The following SNX7 variants were observed in gnomAD, a reference collection of about 807,000 sequenced individuals.
SNX7 encodes the protein sorting nexin 7.
A neutral mutation model predicts 48.4 loss-of-function variants in SNX7; 35 were observed. The ratio of observed to expected loss-of-function variants is 0.72; its 90% CI spans 0.55 to 0.96. The LOEUF is 0.96. SNX7 is among the 40% of genes least tolerant of loss of function. The probability of loss-of-function intolerance (pLI) is 0.00; values close to 1 mark genes in which losing one functional copy is unlikely to be tolerated. For missense variants in SNX7, 553 were observed against 548.9 expected, an observed-to-expected ratio of 1.01 and a Z score of -0.07; for synonymous variants, 190 against 190.2, an observed-to-expected ratio of 1.00 and a Z score of 0.01.
chr1:98,733,710 C>T (rs1375920626), intron 7 of SNX7, among the ~76,000 whole-genome samples: 3 of 151,992 alleles, frequency 2.0e-5, no homozygotes, highest in Non-Finnish European at 2.9e-5. Flanking sequence ...CATTTCTTCC[C>T]CCTCCATTTT....
chr1:98,738,412 G>T (rs1232921293), intron 8 of SNX7, 23 bp downstream of exon 8: 1 of 1,606,038 alleles, frequency 6.2e-7, no homozygotes, highest in Non-Finnish European at 8.5e-7. Context: ...GTTTGATATT[G>T]CTTCATTTTA....
At position 98,720,372 on chromosome 1, in the gene SNX7, C is replaced by T. The variant is rs369907185; in HGVS notation, c.1126-17865C>T. Among the ~76,000 whole-genome samples, 4 of 152,020 alleles carry T rather than the reference C, an allele frequency of 2.6e-5. No homozygotes were observed. In the East Asian group the frequency reaches 5.8e-4, roughly 22 times the overall value. The stretch of plus-strand genomic sequence containing the variant: ...AAACTACCATTAATTGAATTTGCCT[C>T]AGGCTAATATTTCTTATAAAATATT... On this transcript the variant is annotated intron_variant, in intron 7 of 8. Transcript: ENST00000306121.
chr1:98,702,803 T>C (rs1651819568), intron 7 of SNX7, among the ~76,000 whole-genome samples: 2 of 152,142 alleles, frequency 1.3e-5, no homozygotes, highest in African/African-American at 4.8e-5. Context: ...GAACTTCTAC[T>C]GAGTGCATTA....
At chr1:98,682,071 CTTTT>C (rs1650525944) in intron 1 of SNX7, among the ~76,000 whole-genome samples, 1 of 123,214 alleles carries the variant, frequency 8.1e-6, no homozygotes, top group African/African-American at 4.2e-5. Flanking sequence ...TATCAGTTTT[CTTTT>C]CTTCCTTTTT....
rs531950957 is a variant in SNX7, at chr1:98,711,173, C to T, written c.1125+9270C>T. Among the ~76,000 whole-genome samples, 9 of 152,132 alleles carry T rather than the reference C, an allele frequency of 5.9e-5. No homozygotes were observed. The East Asian group carries it at 1.4e-3, about 23-fold the overall frequency. Reference sequence around the variant, plus strand: ...TGGGGATTACAGGTACACGCCACCACGCCCAGCTAATTTTTGTATTTTTAA... The same window carrying T: ...TGGGGATTACAGGTACACGCCACCATGCCCAGCTAATTTTTGTATTTTTAA... On this transcript the variant is annotated intron_variant, in intron 7 of 8. Transcript: ENST00000306121.
rs1650697391 is a variant in SNX7, at chr1:98,684,833, GAA to G, written c.181-51_181-50del. ...TTAATATTGATAGCATCTAGAAATA[GAA>G]GAGTTTAATTTTTCTATTGATACTA... On this transcript the variant is annotated intron_variant, in intron 1 of 8. Coordinates refer to ENST00000306121, the MANE Select transcript of SNX7 (RefSeq NM_015976.5). The G allele has an allele frequency of 2.4e-6, 3 of 1,267,988 alleles. No individual in the cohort carries two copies. In the South Asian group the frequency reaches 7.1e-5, roughly 30 times the overall value. The allele number at this position is 1,267,988 out of a possible 1,614,324, so 78.5% of individuals were successfully genotyped here.
At chr1:98,688,774 G>A (rs1049529928) in intron 2 of SNX7, among the ~76,000 whole-genome samples, 2 of 152,120 alleles carry the variant, frequency 1.3e-5, no homozygotes, top group African/African-American at 4.8e-5. Context: ...TGTATTCTAT[G>A]TTAGAAGCAT....
At chr1:98,732,903 G>A (rs958533327) in intron 7 of SNX7, among the ~76,000 whole-genome samples, 2 of 152,052 alleles carry the variant, frequency 1.3e-5, no homozygotes, top group Non-Finnish European at 2.9e-5. Context: ...CTGCACATCA[G>A]TTTTACTTAT....
intron 1 of SNX7, among the ~76,000 whole-genome samples, chr1:98,675,089 A>G (rs1650087991): frequency 6.6e-6 from 1 of 152,232 alleles, no homozygotes; most frequent in Non-Finnish European, 1.5e-5. Flanking sequence ...AGAGACACAC[A>G]TCCATTATTG....
rs549869225 is a variant in SNX7, at chr1:98,760,462, A to G, written c.*331A>G. Reference sequence around the variant, plus strand: ...GACTGTGGAACATGCCATTTTAAATATGTTGTAAGGACTGTTTTAATAAAA... The same window carrying G: ...GACTGTGGAACATGCCATTTTAAATGTGTTGTAAGGACTGTTTTAATAAAA... On this transcript the variant is annotated 3_prime_UTR_variant, in exon 9 of 9. Transcript: ENST00000306121. 5.0e-6 allele frequency: 1 copy of G among 201,748 alleles called. No homozygotes were observed. Among genetic ancestry groups the G allele is most frequent in the East Asian group, 1.0e-4 (1 of 9,692 alleles). 12.5% of individuals were successfully genotyped at this position (201,748 alleles called of 1,614,324 possible).
intron 7 of SNX7, among the ~76,000 whole-genome samples, chr1:98,735,970 T>C (rs1398135473): frequency 6.6e-6 from 1 of 152,124 alleles, no homozygotes; most frequent in Non-Finnish European, 1.5e-5. Flanking sequence ...TCTTAAGTTC[T>C]TCTCTAGGAA....
At chr1:98,722,461 G>A (rs1217881210) in intron 7 of SNX7, among the ~76,000 whole-genome samples, 1 of 152,030 alleles carries the variant, frequency 6.6e-6, no homozygotes, top group African/African-American at 2.4e-5. Flanking sequence ...GTTAAGAAGA[G>A]GTAGCTGTCA....
chr1:98,740,703 A>T (rs866301764), intron 8 of SNX7, among the ~76,000 whole-genome samples: 6 of 152,182 alleles, frequency 3.9e-5, no homozygotes, highest in African/African-American at 7.2e-5. Flanking sequence ...TCTTAGAAAC[A>T]GCTAAATGAG....
At chr1:98,701,795 A>G (rs1329970725) in intron 6 of SNX7, 22 bp from the exon 7 acceptor site, 2 of 1,531,340 alleles carry the variant, frequency 1.3e-6, no homozygotes, top group Non-Finnish European at 1.8e-6. Flanking sequence ...AGCCTATTTT[A>G]TCTGTGTGTT....
chr1:98,737,211 G>A (rs1157338323), intron 7 of SNX7, among the ~76,000 whole-genome samples: 3 of 152,044 alleles, frequency 2.0e-5, no homozygotes, highest in South Asian at 2.1e-4. Flanking sequence ...AGAGTCCCAT[G>A]GTTCATTCTC....
intron 7 of SNX7, among the ~76,000 whole-genome samples, chr1:98,719,354 C>T (rs955969718): frequency 6.6e-5 from 10 of 152,090 alleles, no homozygotes; most frequent in African/African-American, 2.2e-4. Flanking sequence ...ACCCTCCACC[C>T]GCAGTCTTGT....
At chr1:98,670,953 GTTAAAAGGCTCCAGAT>G (rs1649830561) in intron 1 of SNX7, among the ~76,000 whole-genome samples, 2 of 152,210 alleles carry the variant, frequency 1.3e-5, no homozygotes, top group African/African-American at 4.8e-5. Flanking sequence ...AGAAAATGAT[GTTAAAAGGCTCCAGAT>G]TTAAACTTAG....
chr1:98,692,182 A>G (rs1021652624), intron 4 of SNX7, among the ~76,000 whole-genome samples: 2 of 152,134 alleles, frequency 1.3e-5, no homozygotes, highest in African/African-American at 4.8e-5. Flanking sequence ...ACTGTAACAT[A>G]AACAGTTGGT....
chr1:98,734,827 C>T (rs555523246), intron 7 of SNX7, among the ~76,000 whole-genome samples: 2 of 152,198 alleles, frequency 1.3e-5, no homozygotes, highest in East Asian at 3.9e-4. Flanking sequence ...TTTATTATTA[C>T]TTATTTTGGC....
Sources: allele counts gnomAD v4.1 joint callset (sites outside exome capture counted in the v4.1 genomes callset), GRCh38; gene constraint gnomAD v4.1.1; transcripts MANE v1.5; gene names NCBI Gene and HGNC (gene_info 2026-07-23, HGNC 2026-07-21).